NWD2: variants seen among roughly 807,000 people sequenced by gnomAD.
NWD2 encodes the protein NACHT and WD repeat domain containing 2.
In NWD2, 37 loss-of-function variants were observed where a neutral mutation model predicts 132.7. The ratio of observed to expected loss-of-function variants is 0.28; its 90% CI spans 0.21 to 0.37. The LOEUF (loss-of-function observed/expected upper bound fraction) is 0.37. Ranked by LOEUF, NWD2 falls within the 10% of genes least tolerant of loss-of-function variation. The pLI is 1.00. For synonymous variants in NWD2, 705 were observed against 803.0 expected, an observed-to-expected ratio of 0.88 and a Z score of 2.06; for missense variants, 1,592 against 2,122.4, an observed-to-expected ratio of 0.75 and a Z score of 4.91.
At chr4:37,337,015 C>A (rs1318399594) in intron 2 of NWD2, among the ~76,000 whole-genome samples, 1 of 148,872 alleles carries the variant, frequency 6.7e-6, no homozygotes, top group Non-Finnish European at 1.5e-5. Context: ...TTTCTTCTAT[C>A]TGACTGCTTT....
Position 37,448,048 on chromosome 4 carries a change from AC to A in NWD2, c.*832del, listed in dbSNP as rs1712685142. 6.6e-6 allele frequency: 1 copy of A among 152,210 alleles called. No homozygotes were observed. The highest frequency in any genetic ancestry group is 1.5e-5 in the Non-Finnish European group (1 of 68,036). The allele number at this position is 152,210 out of a possible 1,614,324, so 9.4% of individuals were successfully genotyped here. ...GAAGGGCATTACAAATCTGGTCAAA[AC>A]ACCTGTCCATTTCCATCATTGTACT... is the stretch of plus-strand genomic sequence containing the variant. On this transcript the variant is annotated 3_prime_UTR_variant, in exon 7 of 7. Coordinates refer to ENST00000309447, the MANE Select transcript of NWD2 (RefSeq NM_001144990.2).
chr4:37,438,969 C>CAGAAGCCCAAG lies in NWD2; in HGVS notation c.882_892dup (p.Leu298ProfsTer5). The CAGAAGCCCAAG allele has an allele frequency of 6.4e-7, 1 of 1,551,964 alleles. No individual in the cohort carries two copies. The highest frequency in any genetic ancestry group is 8.7e-7 in the Non-Finnish European group (1 of 1,147,052). ...ACAGAACCGAGGATTATTCGGGACC[C>CAGAAGCCCAAG]AGAAGCCCAAGAGAAGCTGATAAAA... On this transcript the variant is annotated frameshift_variant, in exon 6 of 7. Coordinates refer to ENST00000309447, the MANE Select transcript of NWD2 (RefSeq NM_001144990.2). LOFTEE classifies it high-confidence loss of function.
At chr4:37,432,207 A>G (rs1712198588) in intron 4 of NWD2, among the ~76,000 whole-genome samples, 1 of 152,098 alleles carries the variant, frequency 6.6e-6, no homozygotes, top group African/African-American at 2.4e-5. Flanking sequence ...GCCTTCAGCC[A>G]TCTCAATCTG....
chr4:37,279,688 T>C (rs2109267490), intron 1 of NWD2, among the ~76,000 whole-genome samples: 1 of 152,368 alleles, frequency 6.6e-6, no homozygotes, highest in East Asian at 1.9e-4. Flanking sequence ...GATATCACTT[T>C]ACATGCAGAT....
At chr4:37,440,993 C>T (rs887522675) in intron 6 of NWD2, among the ~76,000 whole-genome samples, 5 of 152,198 alleles carry the variant, frequency 3.3e-5, no homozygotes, top group African/African-American at 1.2e-4. Flanking sequence ...CAAATTGGTC[C>T]TCTTGAAGAC....
chr4:37,310,968 A>T (rs1354295909), intron 1 of NWD2, among the ~76,000 whole-genome samples: 4 of 151,656 alleles, frequency 2.6e-5, no homozygotes, highest in African/African-American at 7.3e-5. Context: ...TGAACTCATC[A>T]TTTTTTATGG....
At chr4:37,278,912 T>C (rs1272664162) in intron 1 of NWD2, among the ~76,000 whole-genome samples, 1 of 152,196 alleles carries the variant, frequency 6.6e-6, no homozygotes, top group East Asian at 1.9e-4. Flanking sequence ...CTCAACCCCC[T>C]GTAGAAGACA....
intron 1 of NWD2, among the ~76,000 whole-genome samples, chr4:37,314,066 A>T (rs1446700392): frequency 6.6e-6 from 1 of 152,138 alleles, no homozygotes; most frequent in Non-Finnish European, 1.5e-5. Flanking sequence ...TTGAGCAGTC[A>T]TGTGGTTATG....
chr4:37,353,817 T>TA (rs1311616694), intron 2 of NWD2, among the ~76,000 whole-genome samples: 3 of 152,046 alleles, frequency 2.0e-5, no homozygotes, highest in Non-Finnish European at 2.9e-5. Flanking sequence ...TGGAGTTTGT[T>TA]ATTACCCATC....
intron 3 of NWD2, among the ~76,000 whole-genome samples, chr4:37,424,695 C>T (rs1327348400): frequency 6.6e-6 from 1 of 152,114 alleles, no homozygotes; most frequent in Non-Finnish European, 1.5e-5. Flanking sequence ...GGCTCATAAA[C>T]AGCAGTCCAG....
At chr4:37,390,418 T>C (rs1720660776) in intron 3 of NWD2, among the ~76,000 whole-genome samples, 1 of 152,178 alleles carries the variant, frequency 6.6e-6, no homozygotes, top group Admixed American at 6.5e-5. Flanking sequence ...AATTTTTTTT[T>C]TTGACAGTGA....
intron 1 of NWD2, among the ~76,000 whole-genome samples, chr4:37,284,507 C>T (rs780911579): frequency 6.6e-5 from 10 of 152,228 alleles, no homozygotes; most frequent in Non-Finnish European, 8.8e-5. Context: ...CATTCCTTGG[C>T]TCCTCCAGTG....
At chr4:37,360,055 G>A (rs537273729) in intron 3 of NWD2, among the ~76,000 whole-genome samples, 12 of 152,146 alleles carry the variant, frequency 7.9e-5, no homozygotes, top group Non-Finnish European at 1.5e-4. Flanking sequence ...ACAATCAAGC[G>A]AGAGCCCTGG....
chr4:37,273,711 C>T (rs575015803), intron 1 of NWD2, among the ~76,000 whole-genome samples: 2 of 152,016 alleles, frequency 1.3e-5, no homozygotes, highest in African/African-American at 4.8e-5. Context: ...TGTAAAAGGA[C>T]AGAAATTATT....
chr4:37,290,443 G>A (rs1445230483), intron 1 of NWD2, among the ~76,000 whole-genome samples: 3 of 152,084 alleles, frequency 2.0e-5, no homozygotes, highest in African/African-American at 7.2e-5. Context: ...CTTACTGATT[G>A]TAAGTGTGAC....
At chr4:37,387,081 G>A (rs1427448562) in intron 3 of NWD2, among the ~76,000 whole-genome samples, 1 of 152,062 alleles carries the variant, frequency 6.6e-6, no homozygotes, top group Non-Finnish European at 1.5e-5. Flanking sequence ...AATCAGTTCG[G>A]TAAATGAATC....
intron 1 of NWD2, among the ~76,000 whole-genome samples, chr4:37,299,581 A>G (rs2109275880): frequency 6.6e-6 from 1 of 152,236 alleles, no homozygotes; most frequent in African/African-American, 2.4e-5. Flanking sequence ...CGAAAATGCA[A>G]GTTCCTTTGC....
rs1720172962 is a variant in NWD2, at chr4:37,369,511, ATTC to A, written c.357+13032_357+13034del. Among the ~76,000 whole-genome samples the A allele has an allele frequency of 2.0e-5, 3 of 152,262 alleles. No individual in the cohort carries two copies. In the South Asian group the frequency reaches 6.2e-4, roughly 32 times the overall value. ...TTGGCTTACATGAGGGTTTTGTATA[ATTC>A]TTTTCCATCTTAGGTGGTATGAGAG... On this transcript the variant is annotated intron_variant, in intron 3 of 6. Transcript: ENST00000309447.
intron 3 of NWD2, among the ~76,000 whole-genome samples, chr4:37,419,310 T>G (rs1357541956): frequency 1.3e-5 from 2 of 152,156 alleles, no homozygotes; most frequent in Non-Finnish European, 2.9e-5. Flanking sequence ...GAATAAAACC[T>G]GGGCAATACC....
Sources: allele counts gnomAD v4.1 joint callset (sites outside exome capture counted in the v4.1 genomes callset), GRCh38; gene constraint gnomAD v4.1.1; transcripts MANE v1.5; gene names NCBI Gene and HGNC (gene_info 2026-07-23, HGNC 2026-07-21).